The following RIN2 variants were observed in gnomAD, a reference collection of about 807,000 sequenced individuals.
RIN2 encodes the protein Ras and Rab interactor 2, also known as RAB5 interacting protein 2.
RIN2 carries 36 observed loss-of-function variants against 78.0 expected under a neutral mutation model. The observed-to-expected ratio is 0.46, with a 90% CI of 0.35 to 0.61. RIN2 has a LOEUF of 0.61. Ranked by LOEUF, RIN2 falls within the 20% of genes least tolerant of loss-of-function variation. RIN2 has a pLI of 0.00. For missense variants in RIN2, 1,087 were observed against 1,159.7 expected, an observed-to-expected ratio of 0.94 and a Z score of 0.91; for synonymous variants, 466 against 466.8, an observed-to-expected ratio of 1.00 and a Z score of 0.02.
chr20:19,924,475 C>T (rs1242222022), intron 3 of RIN2, among the ~76,000 whole-genome samples: 1 of 134,342 alleles, frequency 7.4e-6, no homozygotes, highest in Non-Finnish European at 1.7e-5. Context: ...CCTTCATACC[C>T]CCACCTTCAT....
chr20:19,940,524 G>A (rs916271102), intron 4 of RIN2, among the ~76,000 whole-genome samples: 3 of 152,284 alleles, frequency 2.0e-5, no homozygotes, highest in East Asian at 3.9e-4. Flanking sequence ...AATAGAGTAG[G>A]AGCTGATTAA....
At position 19,884,432 on chromosome 20, in the gene RIN2, TAATTAA is replaced by T. The variant is rs893934995; in HGVS notation, c.-36-5119_-36-5114del. ...GAGCGAGACCCTGTCTCAAAAACAA[TAATTAA>T]AATTAAAATTAAAACACTGTTGTTG... On this transcript the variant is annotated intron_variant, in intron 2 of 12. Transcript: ENST00000255006. 6.6e-5 allele frequency among the ~76,000 whole-genome samples: 10 copies of T among 152,136 alleles called. No homozygotes were observed. In the East Asian group the frequency reaches 1.7e-3, roughly 27 times the overall value.
At chr20:19,943,817 G>A (rs1247350360) in intron 4 of RIN2, among the ~76,000 whole-genome samples, 1 of 152,052 alleles carries the variant, frequency 6.6e-6, no homozygotes, top group East Asian at 1.9e-4. Context: ...GCTGGGTGGT[G>A]GGTAAAAGGT....
At chr20:19,918,766 T>TA (rs201557004) in intron 3 of RIN2, among the ~76,000 whole-genome samples, 3,211 of 137,314 alleles carry the variant, frequency 0.023, 75 homozygotes, top group African/African-American at 0.07. Context: ...GGGCCTTAAT[T>TA]AAAAAAAAAA....
At chr20:19,885,268 C>T (rs1402940587) in intron 2 of RIN2, among the ~76,000 whole-genome samples, 6 of 151,910 alleles carry the variant, frequency 3.9e-5, no homozygotes, top group Admixed American at 3.3e-4. Flanking sequence ...GAGATTGGGC[C>T]GATGTTGGTC....
intron 1 of RIN2, among the ~76,000 whole-genome samples, chr20:19,792,585 G>A (rs1205162574): frequency 6.6e-6 from 1 of 152,194 alleles, no homozygotes; most frequent in Non-Finnish European, 1.5e-5. Context: ...CGCACACATG[G>A]GGAGGTGAGG....
chr20:19,806,106 T>C (rs928310621), intron 2 of RIN2, among the ~76,000 whole-genome samples: 9 of 152,212 alleles, frequency 5.9e-5, no homozygotes, highest in African/African-American at 2.2e-4. Flanking sequence ...ACATTTTCTT[T>C]ATCCAGTCTA....
intron 3 of RIN2, among the ~76,000 whole-genome samples, chr20:19,896,557 A>T (rs1222747602): frequency 3.9e-5 from 6 of 152,218 alleles, no homozygotes. Flanking sequence ...CCCACTGTCC[A>T]GTGAGTCCAC....
At chr20:19,768,502 C>T (rs767966123) in intron 1 of RIN2, among the ~76,000 whole-genome samples, 14 of 152,226 alleles carry the variant, frequency 9.2e-5, no homozygotes, top group Non-Finnish European at 1.9e-4. Context: ...AGAGCATCCT[C>T]TGACAGGGAC....
intron 2 of RIN2, among the ~76,000 whole-genome samples, chr20:19,843,220 T>A (rs1196997082): frequency 6.6e-6 from 1 of 152,202 alleles, no homozygotes; most frequent in Non-Finnish European, 1.5e-5. Flanking sequence ...ATTTAGAATA[T>A]TTTATAAACT....
chr20:19,860,098 G>A (rs1414489680), intron 2 of RIN2, among the ~76,000 whole-genome samples: 3 of 152,164 alleles, frequency 2.0e-5, no homozygotes, highest in African/African-American at 7.2e-5. Context: ...GCCAACTCCT[G>A]CCAGGCATTG....
At chr20:19,849,779 G>A (rs2036903827) in intron 2 of RIN2, among the ~76,000 whole-genome samples, 1 of 152,092 alleles carries the variant, frequency 6.6e-6, no homozygotes, top group South Asian at 2.1e-4. Flanking sequence ...GCCAGATAAT[G>A]GCATAGCACA....
intron 2 of RIN2, among the ~76,000 whole-genome samples, chr20:19,830,864 G>A (rs1427863540): frequency 6.6e-6 from 1 of 152,234 alleles, no homozygotes; most frequent in Non-Finnish European, 1.5e-5. Flanking sequence ...GATGACTGAT[G>A]CTGGTGGGGG....
chr20:19,802,591 G>A (rs937896414), intron 2 of RIN2, among the ~76,000 whole-genome samples: 2 of 152,242 alleles, frequency 1.3e-5, no homozygotes, highest in South Asian at 2.1e-4. Flanking sequence ...AGGCTGGAGG[G>A]ATGACATCAC....
chr20:19,876,958 T>G (rs923021575), intron 2 of RIN2, among the ~76,000 whole-genome samples: 2 of 151,708 alleles, frequency 1.3e-5, no homozygotes, highest in Non-Finnish European at 2.9e-5. Flanking sequence ...CCAAGTGTAC[T>G]GGGGCATTCA....
At chr20:19,979,829 G>C (rs2042388796) in intron 9 of RIN2, among the ~76,000 whole-genome samples, 1 of 151,830 alleles carries the variant, frequency 6.6e-6, no homozygotes, top group Non-Finnish European at 1.5e-5. Context: ...GATCACCTGA[G>C]GTCAGGAGTT....
At chr20:19,924,328 ACCGCACC>A in intron 3 of RIN2, among the ~76,000 whole-genome samples, 1 of 20,190 alleles carries the variant, frequency 5.0e-5, no homozygotes, top group Non-Finnish European at 7.7e-5. Flanking sequence ...CCACCTTCAT[ACCGCACC>A]TCTTCATACC....
chr20:19,813,046 C>T (rs1458506863), intron 2 of RIN2, among the ~76,000 whole-genome samples: 2 of 152,174 alleles, frequency 1.3e-5, no homozygotes, highest in Non-Finnish European at 2.9e-5. Context: ...ATTCATTCAC[C>T]ACCCCTGCAG....
At chr20:19,828,889 G>A (rs2036173530) in intron 2 of RIN2, among the ~76,000 whole-genome samples, 1 of 152,044 alleles carries the variant, frequency 6.6e-6, no homozygotes, top group Non-Finnish European at 1.5e-5. Flanking sequence ...CGTCGTCTGA[G>A]GCTCCCTTTG....
Sources: allele counts gnomAD v4.1 joint callset (sites outside exome capture counted in the v4.1 genomes callset), GRCh38; gene constraint gnomAD v4.1.1; transcripts MANE v1.5; gene names NCBI Gene and HGNC (gene_info 2026-07-23, HGNC 2026-07-21).